The following PARD3B variants were observed in gnomAD, a reference collection of about 807,000 sequenced individuals.
PARD3B encodes par-3 family cell polarity regulator beta, also known as partitioning defective 3 homolog B.
In PARD3B, 103 loss-of-function variants were observed where a neutral mutation model predicts 130.2. The ratio of observed to expected loss-of-function variants is 0.79; its 90% CI spans 0.67 to 0.93. The LOEUF (loss-of-function observed/expected upper bound fraction) is 0.93. Ranked by LOEUF, PARD3B falls within the 40% of genes least tolerant of loss-of-function variation. PARD3B has a pLI of 0.00. For missense variants in PARD3B, 1,609 were observed against 1,499.2 expected (o/e 1.07, Z -1.21); for synonymous variants, 583 against 553.2 (o/e 1.05, Z -0.76).
chr2:204,985,707 G>T (rs73984489), intron 3 of PARD3B, among the ~76,000 whole-genome samples: 1 of 152,114 alleles, frequency 6.6e-6, no homozygotes, highest in South Asian at 2.1e-4. Flanking sequence ...ATGAAGCCCC[G>T]TGTACCAAGC....
At chr2:205,613,205 T>C (rs932843052) in intron 22 of PARD3B, among the ~76,000 whole-genome samples, 4 of 152,234 alleles carry the variant, frequency 2.6e-5, no homozygotes, top group African/African-American at 7.2e-5. Flanking sequence ...GTATGTTCAT[T>C]TGAAGGCAAA....
intron 2 of PARD3B, among the ~76,000 whole-genome samples, chr2:204,725,344 G>T (rs1038593475): frequency 2.6e-5 from 4 of 152,082 alleles, no homozygotes; most frequent in Non-Finnish European, 5.9e-5. Context: ...TGAACATGTA[G>T]GTGAAAACGT....
At chr2:204,584,427 C>T (rs950462789) in intron 1 of PARD3B, among the ~76,000 whole-genome samples, 1 of 152,068 alleles carries the variant, frequency 6.6e-6, no homozygotes, top group Non-Finnish European at 1.5e-5. Flanking sequence ...CTAGTAAAAA[C>T]ATACTAGAAC....
chr2:205,355,944 C>T (rs964281790), intron 18 of PARD3B, among the ~76,000 whole-genome samples: 5 of 152,136 alleles, frequency 3.3e-5, no homozygotes, highest in Non-Finnish European at 7.4e-5. Context: ...GGAAACTGCC[C>T]CCATGATCCA....
intron 18 of PARD3B, among the ~76,000 whole-genome samples, chr2:205,356,765 C>T (rs2044207355): frequency 6.6e-6 from 1 of 151,894 alleles, no homozygotes; most frequent in South Asian, 2.1e-4. Context: ...GTAGCAGGCA[C>T]CTGTAATCCC....
intron 21 of PARD3B, among the ~76,000 whole-genome samples, chr2:205,552,501 C>T (rs1434256186): frequency 1.3e-5 from 2 of 152,114 alleles, no homozygotes; most frequent in African/African-American, 2.4e-5. Context: ...CTCTGCCTCC[C>T]GGGTTCAAGT....
At chr2:205,481,877 G>A (rs2049250346) in intron 20 of PARD3B, among the ~76,000 whole-genome samples, 1 of 152,184 alleles carries the variant, frequency 6.6e-6, no homozygotes, top group Admixed American at 6.5e-5. Flanking sequence ...CCAGAAAATA[G>A]GAGGGAAAGA....
chr2:205,332,660 G>A (rs2043178956), intron 18 of PARD3B, among the ~76,000 whole-genome samples: 1 of 152,204 alleles, frequency 6.6e-6, no homozygotes, highest in Non-Finnish European at 1.5e-5. Context: ...GAAGCTAAGA[G>A]CATTCAAGAC....
intron 19 of PARD3B, among the ~76,000 whole-genome samples, chr2:205,408,564 G>C (rs79592426): frequency 3.3e-5 from 5 of 152,016 alleles, no homozygotes; most frequent in Non-Finnish European, 7.4e-5. Flanking sequence ...CACATATAAC[G>C]CTCCTAAATA....
chr2:204,614,125 T>G (rs1333788623), intron 1 of PARD3B, among the ~76,000 whole-genome samples: 1 of 152,124 alleles, frequency 6.6e-6, no homozygotes, highest in African/African-American at 2.4e-5. Context: ...TTTACACACT[T>G]AAAAATTGAG....
chr2:205,522,877 A>G (rs1389602099), intron 21 of PARD3B, among the ~76,000 whole-genome samples: 2 of 152,146 alleles, frequency 1.3e-5, no homozygotes, highest in Non-Finnish European at 2.9e-5. Flanking sequence ...TACTATTGAG[A>G]AAATATGGTA....
intron 21 of PARD3B, among the ~76,000 whole-genome samples, chr2:205,511,297 G>C (rs775846079): frequency 7.2e-5 from 11 of 152,024 alleles, no homozygotes; most frequent in Non-Finnish European, 1.0e-4. Context: ...AACCTAAATA[G>C]CAAAGAGCAG....
At chr2:204,774,309 T>A (rs987121955) in intron 2 of PARD3B, among the ~76,000 whole-genome samples, 3 of 152,084 alleles carry the variant, frequency 2.0e-5, no homozygotes, top group African/African-American at 7.2e-5. Context: ...GGGAACTTTG[T>A]ACTTTGTCCT....
intron 16 of PARD3B, among the ~76,000 whole-genome samples, chr2:205,294,999 A>G (rs943108141): frequency 1.4e-4 from 21 of 152,310 alleles, no homozygotes; most frequent in Admixed American, 1.3e-3. Flanking sequence ...TTTGGATATT[A>G]TGGAGAATTT....
chr2:205,045,116 T>G (rs1575626123), intron 3 of PARD3B, among the ~76,000 whole-genome samples: 1 of 151,496 alleles, frequency 6.6e-6, no homozygotes, highest in African/African-American at 2.4e-5. Context: ...CTTAAAGTTT[T>G]TTTTTTTTTT....
intron 2 of PARD3B, among the ~76,000 whole-genome samples, chr2:204,851,501 A>G (rs1460706548): frequency 6.6e-6 from 1 of 152,238 alleles, no homozygotes; most frequent in South Asian, 2.1e-4. Flanking sequence ...ACTTTATTTT[A>G]CAGAGTTTTA....
chr2:205,577,974 C>T lies in PARD3B; in HGVS notation c.3260+24571C>T, dbSNP rs181916503. On this transcript the variant is annotated intron_variant, in intron 22 of 22. Coordinates refer to ENST00000406610, the MANE Select transcript of PARD3B (RefSeq NM_001302769.2). ...TGCTGATGGAAAGCAGTTTAGGCTG[C>T]AGGCATATACCTAATTTTTCTGCTT... Among the ~76,000 whole-genome samples, 215 of 152,350 alleles carry T rather than the reference C, an allele frequency of 1.4e-3. 1 individual carries two copies. Among genetic ancestry groups the T allele is most frequent in the African/African-American group, 5.1e-3 (210 of 41,580 alleles).
intron 2 of PARD3B, among the ~76,000 whole-genome samples, chr2:204,863,996 C>A (rs967453045): frequency 1.3e-5 from 2 of 152,162 alleles, no homozygotes; most frequent in Admixed American, 6.5e-5. Context: ...GTATCACTTT[C>A]ATTTAAGCTG....
chr2:205,139,621 A>G (rs2032779292), intron 10 of PARD3B, among the ~76,000 whole-genome samples: 1 of 152,202 alleles, frequency 6.6e-6, no homozygotes, highest in Admixed American at 6.5e-5. Flanking sequence ...AGGCTGCTAC[A>G]TTTGTTCATG....
Sources: allele counts gnomAD v4.1 joint callset (sites outside exome capture counted in the v4.1 genomes callset), GRCh38; gene constraint gnomAD v4.1.1; transcripts MANE v1.5; gene names NCBI Gene and HGNC (gene_info 2026-07-23, HGNC 2026-07-21).